The following ANKMY2 variants were observed in gnomAD, a reference collection of about 807,000 sequenced individuals.
ANKMY2 encodes ankyrin repeat and MYND domain containing 2, also known as ankyrin repeat and MYND domain-containing protein 2.
A neutral mutation model predicts 50.4 loss-of-function variants in ANKMY2; 36 were observed. That is an observed-to-expected ratio of 0.71 (90% confidence interval 0.55 to 0.94). ANKMY2 has a LOEUF of 0.94. Among genes scored for constraint, ANKMY2 ranks in the 40% least tolerant of loss-of-function variants. The probability of loss-of-function intolerance (pLI) is 0.00; values close to 1 mark genes in which losing one functional copy is unlikely to be tolerated. For missense variants in ANKMY2, 565 were observed against 524.0 expected (o/e 1.08, Z -0.76); for synonymous variants, 187 against 178.8 (o/e 1.05, Z -0.36).
At chr7:16,619,093 C>A (rs73078989) in intron 4 of ANKMY2, among the ~76,000 whole-genome samples, 1 of 151,446 alleles carries the variant, frequency 6.6e-6, no homozygotes, top group Non-Finnish European at 1.5e-5. Context: ...AATATCTGTA[C>A]ATAAAAATAA....
Position 16,627,172 on chromosome 7 carries a change from T to G in ANKMY2, c.139A>C (p.Met47Leu). The change falls in exon 3 of 10, where the codon ATG (methionine) becomes CTG (leucine). Residue 47 changes from methionine to leucine, a missense_variant. Transcript: ENST00000306999. The part of the protein sequence containing the change: ...VRVNCLDENG[M>L]TPLMHAAYKG... ...TATGCTGCATGCATTAGAGGAGTCATTCCATTCTTTAATAGAAAGAGGAAA... is the reference window on the plus strand; with the variant it reads ...TATGCTGCATGCATTAGAGGAGTCAGTCCATTCTTTAATAGAAAGAGGAAA... 1 of 1,580,496 alleles carries G rather than the reference T, an allele frequency of 6.3e-7. No individual in the cohort carries two copies. Among genetic ancestry groups the G allele is most frequent in the African/African-American group, 1.4e-5 (1 of 74,058 alleles).
At chr7:16,630,918 CTT>C (rs1156329489) in intron 2 of ANKMY2, among the ~76,000 whole-genome samples, 1 of 152,204 alleles carries the variant, frequency 6.6e-6, no homozygotes, top group Admixed American at 6.5e-5. Context: ...GTGCAAAAAA[CTT>C]TGTGCTGTGT....
chr7:16,638,932 T>C (rs1340937379), intron 1 of ANKMY2, among the ~76,000 whole-genome samples: 2 of 152,176 alleles, frequency 1.3e-5, no homozygotes, highest in African/African-American at 4.8e-5. Context: ...ACCAAATAGA[T>C]ATTTCTTATT....
intron 7 of ANKMY2, 71 bp from the exon 8 acceptor site, chr7:16,604,920 C>T: frequency 7.0e-7 from 1 of 1,435,646 alleles, no homozygotes; most frequent in Non-Finnish European, 9.3e-7. Context: ...AGGTATCAGC[C>T]CACGGACACT....
chr7:16,640,780 C>T (rs1343835888), intron 1 of ANKMY2, among the ~76,000 whole-genome samples: 1 of 152,040 alleles, frequency 6.6e-6, no homozygotes, highest in East Asian at 1.9e-4. Flanking sequence ...TTGGATCCTC[C>T]CAAAGTGCAG....
intron 7 of ANKMY2, among the ~76,000 whole-genome samples, chr7:16,606,725 C>G (rs1286330530): frequency 6.6e-6 from 1 of 152,210 alleles, no homozygotes; most frequent in African/African-American, 2.4e-5. Context: ...ATGTCCTACA[C>G]TGTTCTGTAT....
chr7:16,603,941 G>A lies in ANKMY2; in HGVS notation c.1011+780C>T, dbSNP rs11978049. On this transcript the variant is annotated intron_variant, in intron 8 of 9. Transcript: ENST00000306999. ...ATCATTTTAAGCACTGAGTTTGAGTGTGTTTTTATAAGCAGTAATAATTAA... is the reference window on the plus strand; with the variant it reads ...ATCATTTTAAGCACTGAGTTTGAGTATGTTTTTATAAGCAGTAATAATTAA... Among the ~76,000 whole-genome samples, 976 of 152,300 alleles carry A rather than the reference G, an allele frequency of 6.4e-3. 13 individuals carry two copies. Among genetic ancestry groups the A allele is most frequent in the African/African-American group, 0.023 (937 of 41,558 alleles).
At chr7:16,621,864 G>C (rs1001232634) in intron 4 of ANKMY2, among the ~76,000 whole-genome samples, 1 of 152,066 alleles carries the variant, frequency 6.6e-6, no homozygotes, top group African/African-American at 2.4e-5. Context: ...AGCTACATGG[G>C]AGGCTGAGGC....
chr7:16,621,208 C>T (rs1466605465), intron 4 of ANKMY2, among the ~76,000 whole-genome samples: 3 of 152,098 alleles, frequency 2.0e-5, no homozygotes, highest in Non-Finnish European at 1.5e-5. Context: ...AGTGCAAATT[C>T]TTACCATGTG....
At chr7:16,641,740 A>G (rs1432516243) in intron 1 of ANKMY2, among the ~76,000 whole-genome samples, 3 of 152,224 alleles carry the variant, frequency 2.0e-5, no homozygotes, top group Admixed American at 6.5e-5. Context: ...GGTACACATA[A>G]TAAATATGAA....
intron 4 of ANKMY2, among the ~76,000 whole-genome samples, chr7:16,619,110 C>T (rs1297397322): frequency 6.6e-6 from 1 of 151,318 alleles, no homozygotes; most frequent in East Asian, 1.9e-4. Flanking sequence ...ATAATTGCTA[C>T]ATAACAAAGA....
At chr7:16,614,399 C>CT (rs527443002) in intron 5 of ANKMY2, among the ~76,000 whole-genome samples, 178 of 152,304 alleles carry the variant, frequency 1.2e-3, no homozygotes, top group African/African-American at 4.1e-3. Flanking sequence ...AAGAAAAACT[C>CT]TGAGTTTTCT....
chr7:16,622,924 AT>A (rs1781461168), intron 4 of ANKMY2, among the ~76,000 whole-genome samples: 1 of 152,204 alleles, frequency 6.6e-6, no homozygotes. Context: ...TTATTACATT[AT>A]TTGTAGAAAA....
At chr7:16,613,074 C>T (rs1017716631) in intron 5 of ANKMY2, among the ~76,000 whole-genome samples, 1 of 152,140 alleles carries the variant, frequency 6.6e-6, no homozygotes, top group African/African-American at 2.4e-5. Context: ...TGCACATCTG[C>T]CTCCTGTACA....
chr7:16,642,475 T>C (rs950127597), intron 1 of ANKMY2, among the ~76,000 whole-genome samples: 1 of 152,174 alleles, frequency 6.6e-6, no homozygotes, highest in African/African-American at 2.4e-5. Context: ...AAAGCCCCAC[T>C]TAGAGTCTGT....
chr7:16,610,652 T>A lies in ANKMY2; in HGVS notation c.643A>T (p.Asn215Tyr). ...TGCATCTTCATAGCCAATACTTCAT[T>A]CATGTCTCTTTGCTTCATACATTTC... ...CEKCMKQRDM[N>Y]EVLAMKMHYI... The change falls in exon 6 of 10, where the codon AAT (asparagine) becomes TAT (tyrosine). Residue 215 changes from asparagine (N) to tyrosine (Y), a missense_variant. Coordinates refer to ENST00000306999, the MANE Select transcript of ANKMY2 (RefSeq NM_020319.3). 1.9e-6 allele frequency: 3 copies of A among 1,614,038 alleles called. No individual in the cohort carries two copies. The highest frequency in any genetic ancestry group is 2.5e-6 in the Non-Finnish European group (3 of 1,179,928).
chr7:16,627,166 G>A lies in ANKMY2; in HGVS notation c.145C>T (p.Pro49Ser). 2 of 1,588,644 alleles carry A rather than the reference G, an allele frequency of 1.3e-6. No homozygotes were observed. Among genetic ancestry groups the A allele is most frequent in the Admixed American group, 1.8e-5 (1 of 56,790 alleles). ...CCTTTATATGCTGCATGCATTAGAG[G>A]AGTCATTCCATTCTTTAATAGAAAG... ...VNCLDENGMTPLMHAAYKGKL... is the reference protein window; with the variant it reads ...VNCLDENGMTSLMHAAYKGKL... Residue 49 changes from proline to serine, a missense_variant, in exon 3 of 10, where the codon CCT (proline) becomes TCT (serine). Coordinates refer to ENST00000306999, the MANE Select transcript of ANKMY2 (RefSeq NM_020319.3).
chr7:16,642,121 GAAA>G (rs925921041), intron 1 of ANKMY2, among the ~76,000 whole-genome samples: 1 of 142,022 alleles, frequency 7.0e-6, no homozygotes, highest in African/African-American at 2.6e-5. Flanking sequence ...ACACAGATAT[GAAA>G]AAAAAAAAGG....
chr7:16,635,253 G>C (rs1434251832), intron 2 of ANKMY2, among the ~76,000 whole-genome samples: 1 of 152,158 alleles, frequency 6.6e-6, no homozygotes, highest in Non-Finnish European at 1.5e-5. Flanking sequence ...ATTAAAAAAA[G>C]AGTACTTATT....
Sources: gnomAD v4.1 joint callset for allele counts (sites outside exome capture counted in the v4.1 genomes callset) on GRCh38, gnomAD v4.1.1 for gene constraint, MANE v1.5 for transcripts, NCBI Gene and HGNC (gene_info 2026-07-23, HGNC 2026-07-21) for gene names.